The following ABHD6 variants were observed in gnomAD, a reference collection of about 807,000 sequenced individuals.
ABHD6 encodes monoacylglycerol lipase ABHD6.
Under a neutral mutation model 38.8 loss-of-function variants are expected in ABHD6, and 33 were observed. The observed-to-expected ratio is 0.85, with a 90% CI of 0.64 to 1.14. The LOEUF (loss-of-function observed/expected upper bound fraction) is 1.14, where lower values mean the gene tolerates loss of function less well. Ranked by LOEUF, ABHD6 falls within the 50% of genes most tolerant of loss-of-function variation. ABHD6 has a pLI of 0.00. For synonymous variants in ABHD6, 147 were observed against 161.6 expected (o/e 0.91, Z 0.69); for missense variants, 380 against 422.6 (o/e 0.90, Z 0.88).
At chr3:58,286,844 G>GCATATATATATATATA (rs1424175632) in intron 9 of ABHD6, among the ~76,000 whole-genome samples, 9 of 50,064 alleles carry the variant, frequency 1.8e-4, no homozygotes, top group African/African-American at 3.2e-4. Context: ...GTGTGTGTGT[G>GCATATATATATATATA]TGTGTGTGTA....
At chr3:58,246,560 T>C (rs2097426539) in intron 1 of ABHD6, among the ~76,000 whole-genome samples, 1 of 152,172 alleles carries the variant, frequency 6.6e-6, no homozygotes, top group Non-Finnish European at 1.5e-5. Flanking sequence ...TTTCCCACAG[T>C]GCTGCCCAGG....
intron 5 of ABHD6, 138 bp from the exon 6 acceptor site, chr3:58,270,794 T>C: frequency 2.2e-6 from 2 of 913,608 alleles, no homozygotes; most frequent in Non-Finnish European, 3.1e-6. Context: ...TTATAATGGA[T>C]CCAGTAGAGT....
intron 9 of ABHD6, among the ~76,000 whole-genome samples, chr3:58,286,042 C>T (rs1338249604): frequency 8.1e-5 from 12 of 148,576 alleles, no homozygotes; most frequent in Admixed American, 2.7e-4. Context: ...TTTTTTTAGA[C>T]GAAGTCTTGC....
At chr3:58,250,305 C>G (rs1454031432) in intron 2 of ABHD6, among the ~76,000 whole-genome samples, 1 of 152,062 alleles carries the variant, frequency 6.6e-6, no homozygotes, top group Non-Finnish European at 1.5e-5. Context: ...TGGGAGTGCT[C>G]TACACCAAGG....
rs1428483311 is a variant in ABHD6 at position 58,259,756 on chromosome 3, A to G, written c.119+3051A>G. Among the ~76,000 whole-genome samples the G allele has an allele frequency of 1.3e-5, 2 of 152,230 alleles. No individual in the cohort carries two copies. Among genetic ancestry groups the G allele is most frequent in the Non-Finnish European group, 2.9e-5 (2 of 68,040 alleles). Reference sequence around the variant, plus strand: ...ACAATTCAGTGGTTTTAATATATTCAGAGTGTTGTACAACCATTACCACTA... The same window carrying G: ...ACAATTCAGTGGTTTTAATATATTCGGAGTGTTGTACAACCATTACCACTA... On this transcript the variant is annotated intron_variant, in intron 3 of 9. Coordinates refer to ENST00000478253, the MANE Select transcript of ABHD6 (RefSeq NM_001320126.2). This position sits in a 1 kb window ranked among gnomAD's most constrained non-coding sequence, Gnocchi z 4.7.
intron 6 of ABHD6, among the ~76,000 whole-genome samples, chr3:58,271,766 G>GTTTTTT (rs3038091): frequency 0.059 from 3,746 of 63,600 alleles, 750 homozygotes; most frequent in South Asian, 0.1. Context: ...CCCTCTCTCT[G>GTTTTTT]TTTTTTTTTT....
chr3:58,253,151 G>A (rs1262538446), intron 2 of ABHD6, among the ~76,000 whole-genome samples: 4 of 136,562 alleles, frequency 2.9e-5, no homozygotes, highest in African/African-American at 8.7e-5. Flanking sequence ...GGCAGGCACC[G>A]ACAGAGCACA....
intron 1 of ABHD6, among the ~76,000 whole-genome samples, chr3:58,248,976 G>C (rs2107422684): frequency 6.6e-6 from 1 of 152,272 alleles, no homozygotes; most frequent in Middle Eastern, 3.4e-3. Flanking sequence ...ATATGTTTAA[G>C]AGTCATTTGT....
chr3:58,254,806 A>G (rs1315710653), intron 2 of ABHD6, among the ~76,000 whole-genome samples: 2 of 149,114 alleles, frequency 1.3e-5, no homozygotes, highest in Admixed American at 6.8e-5. Flanking sequence ...ATTTATATTT[A>G]TATACTTTAT....
chr3:58,278,354 T>C (rs958216377), intron 7 of ABHD6, among the ~76,000 whole-genome samples: 28 of 152,236 alleles, frequency 1.8e-4, no homozygotes, highest in African/African-American at 6.8e-4. Context: ...CCAGGATTTA[T>C]CCATTTCTTC....
intron 3 of ABHD6, among the ~76,000 whole-genome samples, chr3:58,261,628 G>A (rs1046838859): frequency 6.6e-6 from 1 of 152,168 alleles, no homozygotes; most frequent in African/African-American, 2.4e-5. Flanking sequence ...GATTACAGTT[G>A]TGAGCCACCA....
chr3:58,243,577 C>G (rs1346044688), intron 1 of ABHD6, among the ~76,000 whole-genome samples: 1 of 151,148 alleles, frequency 6.6e-6, no homozygotes, highest in Non-Finnish European at 1.5e-5. Context: ...AAAGCCAGTG[C>G]AGGTATAGTC....
chr3:58,294,704 T>G lies in ABHD6; in HGVS notation c.*939T>G, dbSNP rs1003600271. The G allele has an allele frequency of 1.7e-4, 26 of 152,758 alleles. No individual in the cohort carries two copies. Among genetic ancestry groups the G allele is most frequent in the African/African-American group, 5.8e-4 (24 of 41,582 alleles). The allele number at this position is 152,758 out of a possible 1,614,324, so 9.5% of individuals were successfully genotyped here. A position where few individuals can be genotyped will look rare whatever the true frequency, so the allele number is the denominator to read the frequency against. On this transcript the variant is annotated 3_prime_UTR_variant, in exon 10 of 10. Transcript: ENST00000478253. ...AGCTGTAAAAGTGACCACAATGACATGAAATAAATTTAATAAGTCTAGATC... is the reference window on the plus strand; with the variant it reads ...AGCTGTAAAAGTGACCACAATGACAGGAAATAAATTTAATAAGTCTAGATC...
chr3:58,289,341 G>A (rs1165658556), intron 9 of ABHD6, among the ~76,000 whole-genome samples: 1 of 151,630 alleles, frequency 6.6e-6, no homozygotes, highest in Non-Finnish European at 1.5e-5. Context: ...ATAAACAAGT[G>A]AACAAAGGTC....
chr3:58,273,393 A>C lies in ABHD6; in HGVS notation c.524-1265A>C, dbSNP rs934676393. Among the ~76,000 whole-genome samples the C allele has an allele frequency of 6.6e-6, 1 of 152,118 alleles. No individual in the cohort carries two copies. Among genetic ancestry groups the C allele is most frequent in the African/African-American group, 2.4e-5 (1 of 41,434 alleles). ...TAAGGGAGACCCCATCTCTGCAAAA[A>C]TATAAAATTAAAAAAAAATCTAACA... is the stretch of plus-strand genomic sequence containing the variant. On this transcript the variant is annotated intron_variant, in intron 6 of 9. Transcript: ENST00000478253. The surrounding 1 kb of genome is among the most constrained non-coding windows in gnomAD (Gnocchi z 4.8).
chr3:58,245,325 C>G (rs535032006), intron 1 of ABHD6, among the ~76,000 whole-genome samples: 3 of 152,130 alleles, frequency 2.0e-5, no homozygotes, highest in Non-Finnish European at 4.4e-5. Context: ...TGCCACCATA[C>G]CTGGCTAATT....
At chr3:58,281,939 G>C (rs2097453612) in intron 7 of ABHD6, among the ~76,000 whole-genome samples, 2 of 151,926 alleles carry the variant, frequency 1.3e-5, no homozygotes, top group African/African-American at 4.8e-5. Context: ...AACGTAGCGA[G>C]ACCCCATCTC....
In ABHD6 at chr3:58,238,929, G is replaced by A. The variant is rs530581521; in HGVS notation, c.-91+1013G>A. Among the ~76,000 whole-genome samples the A allele has an allele frequency of 6.6e-6, 1 of 152,144 alleles. No individual in the cohort carries two copies. The highest frequency in any genetic ancestry group is 2.4e-5 in the African/African-American group (1 of 41,520). On this transcript the variant is annotated intron_variant, in intron 1 of 9. Transcript: ENST00000478253. The surrounding 1 kb of genome is among the most constrained non-coding windows in gnomAD (Gnocchi z 6.9). The stretch of plus-strand genomic sequence containing the variant: ...ATGAATAATAGCTGACATAGAATAA[G>A]CAAATCTTGTGTGCCAGGCCCTGTC...
At chr3:58,260,772 C>T (rs1171077008) in intron 3 of ABHD6, among the ~76,000 whole-genome samples, 27 of 152,194 alleles carry the variant, frequency 1.8e-4, no homozygotes, top group South Asian at 2.1e-4. Flanking sequence ...CCCCGTTCCC[C>T]GCTGCCCTGC....
Sources: gnomAD v4.1 joint callset for allele counts (sites outside exome capture counted in the v4.1 genomes callset) on GRCh38, gnomAD v4.1.1 for gene constraint, Gnocchi (gnomAD v3.1) non-coding constraint, MANE v1.5 for transcripts, NCBI Gene and HGNC (gene_info 2026-07-23, HGNC 2026-07-21) for gene names.